The following ZFAT variants were observed in gnomAD, a reference collection of about 807,000 sequenced individuals.
The protein encoded by ZFAT is zinc finger and AT-hook domain containing.
In ZFAT, 64 loss-of-function variants were observed where a neutral mutation model predicts 117.7. The ratio of observed to expected loss-of-function variants is 0.54; its 90% CI spans 0.44 to 0.67. The LOEUF is 0.67. Among genes scored for constraint, ZFAT ranks in the 30% least tolerant of loss-of-function variants. The pLI, the probability that ZFAT is intolerant of heterozygous loss-of-function variation, is 0.00. For missense variants in ZFAT, 1,433 were observed against 1,584.5 expected (o/e 0.90, Z 1.62); for synonymous variants, 679 against 615.0 (o/e 1.10, Z -1.54).
intron 1 of ZFAT, among the ~76,000 whole-genome samples, chr8:134,663,981 C>G (rs565192156): frequency 6.6e-6 from 1 of 152,056 alleles, no homozygotes; most frequent in Non-Finnish European, 1.5e-5. Context: ...TCATGAAGAC[C>G]GTGAGCAGAG....
chr8:134,796,314 T>C, the ZFAT span: 1 of 152,232 alleles, frequency 6.6e-6, no homozygotes, highest in Non-Finnish European at 1.5e-5. Context: ...GGTAGTCTTG[T>C]AGGACTGAGC....
intron 1 of ZFAT, among the ~76,000 whole-genome samples, chr8:134,700,528 T>TCCA (rs1833982271): frequency 6.6e-6 from 1 of 152,140 alleles, no homozygotes; most frequent in Non-Finnish European, 1.5e-5. Context: ...CTCCCCTCCC[T>TCCA]CCACCCCAGT....
upstream of ZFAT, among the ~76,000 whole-genome samples, chr8:134,715,124 T>A (rs759574510): frequency 1.3e-5 from 2 of 152,252 alleles, no homozygotes; most frequent in Non-Finnish European, 2.9e-5. Flanking sequence ...CGGTTTGCCT[T>A]TCTCACAGCA....
the ZFAT span, among the ~76,000 whole-genome samples, chr8:134,828,973 T>A: frequency 6.6e-6 from 1 of 152,310 alleles, no homozygotes; most frequent in South Asian, 2.1e-4. Context: ...TCTACTTATT[T>A]TGATTTTGCT....
At chr8:134,545,538 C>T (rs372620764) in intron 11 of ZFAT, among the ~76,000 whole-genome samples, 13 of 152,198 alleles carry the variant, frequency 8.5e-5, no homozygotes, top group East Asian at 1.9e-4. Flanking sequence ...GAGATGCATA[C>T]GTGGTTGGCA....
chr8:134,712,870 G>A lies in ZFAT; in HGVS notation c.-7C>T, dbSNP rs1363834912. 3 of 1,282,388 alleles carry A rather than the reference G, an allele frequency of 2.3e-6. No individual in the cohort carries two copies. 79.4% of individuals were successfully genotyped at this position (1,282,388 alleles called of 1,614,324 possible). On this transcript the variant is annotated 5_prime_UTR_variant, in exon 1 of 16. Coordinates refer to ENST00000377838, the MANE Select transcript of ZFAT (RefSeq NM_020863.4). ...CTGCCGCCCGCGTCTCCATGGCAAC[G>A]CCCCACCGCGGAGGAAAAAAAAGCC...
the ZFAT span, among the ~76,000 whole-genome samples, chr8:134,788,469 A>G: frequency 6.6e-6 from 1 of 152,150 alleles, no homozygotes; most frequent in Non-Finnish European, 1.5e-5. Flanking sequence ...TGTGTTAGAG[A>G]ATGTAAGATG....
At chr8:134,485,130 C>T (rs1817576651) in intron 15 of ZFAT, among the ~76,000 whole-genome samples, 2 of 152,174 alleles carry the variant, frequency 1.3e-5, no homozygotes, top group African/African-American at 2.4e-5. Flanking sequence ...TCTTAGTGTC[C>T]TAGCTTTAGA....
chr8:134,630,583 C>CT (rs1320586957), intron 3 of ZFAT, among the ~76,000 whole-genome samples: 1 of 152,162 alleles, frequency 6.6e-6, no homozygotes, highest in Non-Finnish European at 1.5e-5. Flanking sequence ...CACAACTCTC[C>CT]TTGCCTAAGA....
At chr8:134,803,544 G>A in the ZFAT span, among the ~76,000 whole-genome samples, 3 of 152,170 alleles carry the variant, frequency 2.0e-5, no homozygotes, top group Non-Finnish European at 4.4e-5. Flanking sequence ...AAAGCCACCT[G>A]AGTCTGAAGC....
At chr8:134,697,070 G>A (rs570458951) in intron 1 of ZFAT, among the ~76,000 whole-genome samples, 1 of 150,540 alleles carries the variant, frequency 6.6e-6, no homozygotes, top group African/African-American at 2.4e-5. Flanking sequence ...GGTGCCCACC[G>A]CCACATCTGG....
chr8:134,748,304 CT>C, the ZFAT span, among the ~76,000 whole-genome samples: 1 of 152,154 alleles, frequency 6.6e-6, no homozygotes, highest in Admixed American at 6.5e-5. Context: ...GGTTTATTGC[CT>C]GAGGATGCAT....
chr8:134,823,737 T>C, the ZFAT span, among the ~76,000 whole-genome samples: 2 of 152,240 alleles, frequency 1.3e-5, no homozygotes, highest in Non-Finnish European at 2.9e-5. Flanking sequence ...CAAGGCTGTA[T>C]AGAATTATTA....
rs188120500 is a variant in ZFAT at position 134,693,644 on chromosome 8, A to G, written c.19+19201T>C. 1.1e-3 allele frequency among the ~76,000 whole-genome samples: 164 copies of G among 152,160 alleles called. 1 individual carries two copies. Among genetic ancestry groups the G allele is most frequent in the Non-Finnish European group, 1.6e-3 (109 of 68,022 alleles). ...AACGGGGCGCGGGGGGTGGGAGAAG[A>G]CAACTAGTAAATGCGGAAGAAATGA... On this transcript the variant is annotated intron_variant, in intron 1 of 15. Coordinates refer to ENST00000377838, the MANE Select transcript of ZFAT (RefSeq NM_020863.4).
chr8:134,486,511 G>A (rs914368030), intron 15 of ZFAT, among the ~76,000 whole-genome samples: 9 of 152,182 alleles, frequency 5.9e-5, no homozygotes, highest in African/African-American at 9.7e-5. Context: ...CAGCCCTCTC[G>A]TAGATGTCAT....
At chr8:134,729,451 C>T in the ZFAT span, among the ~76,000 whole-genome samples, 1 of 152,218 alleles carries the variant, frequency 6.6e-6, no homozygotes, top group Non-Finnish European at 1.5e-5. Context: ...CCTGCCTCAG[C>T]CTCCCAAGTA....
In ZFAT at chr8:134,566,177, G is replaced by A. The variant is rs571186974; in HGVS notation, c.2888-756C>T. On this transcript the variant is annotated intron_variant, in intron 10 of 15. Coordinates refer to ENST00000377838, the MANE Select transcript of ZFAT (RefSeq NM_020863.4). ...TGGGAGGCCGAGATGGGCAGATCAC[G>A]AGGTCAGGAGATCGAGACCATCCAG... is the stretch of plus-strand genomic sequence containing the variant. 2.6e-5 allele frequency among the ~76,000 whole-genome samples: 4 copies of A among 152,164 alleles called. No individual in the cohort carries two copies. The South Asian group carries it at 8.3e-4, about 32-fold the overall frequency.
At chr8:134,652,510 A>G (rs1194362061) in intron 2 of ZFAT, among the ~76,000 whole-genome samples, 1 of 152,254 alleles carries the variant, frequency 6.6e-6, no homozygotes, top group Non-Finnish European at 1.5e-5. Flanking sequence ...AATCATTATC[A>G]TGCATTGTGA....
At chr8:134,681,668 TAG>T (rs1281354106) in intron 1 of ZFAT, among the ~76,000 whole-genome samples, 1 of 152,188 alleles carries the variant, frequency 6.6e-6, no homozygotes, top group African/African-American at 2.4e-5. Context: ...TTATTAACTT[TAG>T]AGAGAGTACA....
Sources: gnomAD v4.1 joint callset for allele counts (sites outside exome capture counted in the v4.1 genomes callset) on GRCh38, gnomAD v4.1.1 for gene constraint, MANE v1.5 for transcripts, NCBI Gene and HGNC (gene_info 2026-07-23, HGNC 2026-07-21) for gene names.